Variants in PXDN observed in about 807,000 individuals in gnomAD.
PXDN encodes the protein peroxidasin homolog.
A neutral mutation model predicts 140.3 loss-of-function variants in PXDN; 77 were observed. The ratio of observed to expected loss-of-function variants is 0.55; its 90% CI spans 0.46 to 0.66. The LOEUF is 0.66. Among genes scored for constraint, PXDN ranks in the 30% least tolerant of loss-of-function variants. PXDN has a pLI of 0.00. For synonymous variants in PXDN, 911 were observed against 857.4 expected (o/e 1.06, Z -1.09); for missense variants, 1,838 against 2,039.5 (o/e 0.90, Z 1.90).
intron 21 of PXDN, chr2:1,637,095 C>T (rs13031648): frequency 0.85 from 129,389 of 152,028 alleles, 55,912 homozygotes; most frequent in East Asian, 1. Flanking sequence ...GGGCATAGGG[C>T]GTTGGTATTT....
intron 6 of PXDN, among the ~76,000 whole-genome samples, chr2:1,683,453 G>T (rs1223589024): frequency 1.5e-5 from 1 of 65,716 alleles, no homozygotes; most frequent in Non-Finnish European, 3.9e-5. Context: ...CCTATCAAAG[G>T]ATTAACTACT....
At chr2:1,718,018 C>T (rs1039455237) in intron 1 of PXDN, among the ~76,000 whole-genome samples, 2 of 151,270 alleles carry the variant, frequency 1.3e-5, no homozygotes, top group Non-Finnish European at 2.9e-5. Flanking sequence ...TACCCACTAA[C>T]CGACCACCCA....
At chr2:1,640,390 C>G (rs1176533681) in intron 19 of PXDN, among the ~76,000 whole-genome samples, 1 of 152,220 alleles carries the variant, frequency 6.6e-6, no homozygotes, top group East Asian at 1.9e-4. Flanking sequence ...GAGGCACGTG[C>G]AGCATACACC....
intron 11 of PXDN, 82 bp downstream of exon 11, chr2:1,664,876 G>A (rs932666346): frequency 4.9e-6 from 6 of 1,216,112 alleles, no homozygotes; most frequent in Non-Finnish European, 7.0e-6. Flanking sequence ...ACACGCTGGG[G>A]TTGCCTGGGC....
chr2:1,648,673 G>A lies in PXDN; in HGVS notation c.3107C>T (p.Pro1036Leu), dbSNP rs1179553035. 2 of 1,608,148 alleles carry A rather than the reference G, an allele frequency of 1.2e-6. No homozygotes were observed. Among genetic ancestry groups the A allele is most frequent in the South Asian group, 1.1e-5 (1 of 89,916 alleles). ...IQHITYQHWL[P>L]KILGEVGMRT... is the part of the protein sequence containing the mutation. ...CATGCCCACCTCCCCCAGGATCTTC[G>A]GGAGCCAGTGCTGGTAGGTGATGTG... The change falls in exon 17 of 23, where the codon CCG (proline) becomes CTG (leucine). Residue 1036 changes from proline to leucine, a missense_variant. Coordinates refer to ENST00000252804, the MANE Select transcript of PXDN (RefSeq NM_012293.3). This position sits in a 1 kb window ranked among gnomAD's most constrained non-coding sequence, Gnocchi z 8.9.
At chr2:1,723,657 T>C (rs1006794354) in intron 1 of PXDN, among the ~76,000 whole-genome samples, 1 of 151,782 alleles carries the variant, frequency 6.6e-6, no homozygotes, top group African/African-American at 2.4e-5. Context: ...AATGAATAGA[T>C]GGATGAATGA....
At chr2:1,657,918 C>T (rs1683186519) in intron 14 of PXDN, among the ~76,000 whole-genome samples, 1 of 150,830 alleles carries the variant, frequency 6.6e-6, no homozygotes, top group Non-Finnish European at 1.5e-5. Context: ...CTAGTCCCTT[C>T]CTGACAGGAA....
Position 1,648,801 on chromosome 2 carries a change from G to A in PXDN, c.2979C>T (p.Arg993=), listed in dbSNP as rs933114521. The A allele has an allele frequency of 3.7e-6, 6 of 1,602,946 alleles. No homozygotes were observed. In the East Asian group the frequency reaches 9.0e-5, roughly 24 times the overall value. The change falls in exon 17 of 23, where the codon CGC becomes CGT. Residue 993 remains arginine, a synonymous_variant. Coordinates refer to ENST00000252804, the MANE Select transcript of PXDN (RefSeq NM_012293.3). The surrounding 1 kb of genome is among the most constrained non-coding windows in gnomAD (Gnocchi z 8.9). The part of the protein sequence containing the change: ...GLTSMHTLWF[R]EHNRIATELL... ...GCTCCGTGGCAATGCGGTTGTGCTC[G>A]CGGAACCACAGCGTGTGCATGCTGG...
intron 1 of PXDN, among the ~76,000 whole-genome samples, chr2:1,740,010 A>T (rs980981611): frequency 1.3e-5 from 2 of 152,228 alleles, no homozygotes; most frequent in Admixed American, 1.3e-4. Flanking sequence ...CATCCCGCAT[A>T]GGGCGGAGAG....
intron 1 of PXDN, among the ~76,000 whole-genome samples, chr2:1,737,245 G>C (rs192008444): frequency 1.3e-5 from 2 of 152,188 alleles, no homozygotes; most frequent in Non-Finnish European, 2.9e-5. Context: ...CTCCGGGCTA[G>C]TCTCCTTGGA....
chr2:1,725,402 C>T (rs1685155224), intron 1 of PXDN, among the ~76,000 whole-genome samples: 1 of 151,938 alleles, frequency 6.6e-6, no homozygotes, highest in African/African-American at 2.4e-5. Context: ...GGATCCCTTC[C>T]TTACACCTTA....
At position 1,675,199 on chromosome 2, in the gene PXDN, G is replaced by A. The variant is rs1196791137; in HGVS notation, c.849-1387C>T. 3.9e-5 allele frequency among the ~76,000 whole-genome samples: 6 copies of A among 152,146 alleles called. No homozygotes were observed. The East Asian group carries it at 9.7e-4, about 24-fold the overall frequency. ...CCAGAAACACGGCGAGCCAGCAGGTGAGGGTGGCCTGCAGGTGACTCTGGA... is the reference window on the plus strand; with the variant it reads ...CCAGAAACACGGCGAGCCAGCAGGTAAGGGTGGCCTGCAGGTGACTCTGGA... On this transcript the variant is annotated intron_variant, in intron 8 of 22. Coordinates refer to ENST00000252804, the MANE Select transcript of PXDN (RefSeq NM_012293.3).
At chr2:1,657,553 C>T (rs1261946686) in intron 14 of PXDN, among the ~76,000 whole-genome samples, 1 of 148,490 alleles carries the variant, frequency 6.7e-6, no homozygotes, top group Non-Finnish European at 1.5e-5. Flanking sequence ...TCGTGACAGA[C>T]ACCTGGCCCT....
chr2:1,666,627 T>C, intron 9 of PXDN, 141 bp from the exon 10 acceptor site: 1 of 1,165,284 alleles, frequency 8.6e-7, no homozygotes, highest in Non-Finnish European at 1.2e-6. Context: ...ATATTTTCTT[T>C]TTAAAGAAAT....
chr2:1,709,813 C>T (rs945541917), intron 1 of PXDN, among the ~76,000 whole-genome samples: 1 of 152,216 alleles, frequency 6.6e-6, no homozygotes, highest in African/African-American at 2.4e-5. Context: ...TTCTCTTTCT[C>T]CACCATGTGA....
At chr2:1,637,556 C>T (rs1682595812) in intron 21 of PXDN, among the ~76,000 whole-genome samples, 1 of 150,574 alleles carries the variant, frequency 6.6e-6, no homozygotes, top group African/African-American at 2.5e-5. Flanking sequence ...GCTGTCCACT[C>T]TGACAGCTGC....
rs541393328 is a variant in PXDN, at chr2:1,679,686, T to C, written c.730+507A>G. Among the ~76,000 whole-genome samples, 84 of 149,874 alleles carry C rather than the reference T, an allele frequency of 5.6e-4. 1 individual carries two copies. Among genetic ancestry groups the C allele is most frequent in the Middle Eastern group, 3.6e-3 (1 of 276 alleles). ...ATGGTGTGTGTGGATGGCACATGTGTGTGGTCTGTGTCTGCATGTGTGTCT... is the reference window on the plus strand; with the variant it reads ...ATGGTGTGTGTGGATGGCACATGTGCGTGGTCTGTGTCTGCATGTGTGTCT... On this transcript the variant is annotated intron_variant, in intron 7 of 22. Transcript: ENST00000252804.
chr2:1,718,783 C>G (rs185838012), intron 1 of PXDN, among the ~76,000 whole-genome samples: 1 of 152,376 alleles, frequency 6.6e-6, no homozygotes, highest in East Asian at 1.9e-4. Flanking sequence ...GTCCAGTCCT[C>G]TGGTTGAGCC....
upstream of PXDN, chr2:1,744,576 C>A: frequency 1.2e-6 from 1 of 856,512 alleles, no homozygotes. Context: ...GCCAGCTGTG[C>A]ACATGCGCGA....
Sources: allele counts gnomAD v4.1 joint callset (sites outside exome capture counted in the v4.1 genomes callset), GRCh38; gene constraint gnomAD v4.1.1; non-coding constraint Gnocchi (gnomAD v3.1); transcripts MANE v1.5; gene names NCBI Gene and HGNC (gene_info 2026-07-23, HGNC 2026-07-21).